GPC6: variants seen among roughly 807,000 people sequenced by gnomAD.
GPC6 encodes the protein glypican 6.
A neutral mutation model predicts 55.2 loss-of-function variants in GPC6; 14 were observed. The observed-to-expected ratio is 0.25, with a 90% CI of 0.17 to 0.40. The LOEUF (loss-of-function observed/expected upper bound fraction) is 0.40, where lower values mean the gene tolerates loss of function less well. Ranked by LOEUF, GPC6 falls within the 10% of genes least tolerant of loss-of-function variation. GPC6 has a pLI of 1.00. For missense variants in GPC6, 641 were observed against 708.5 expected (o/e 0.90, Z 1.08); for synonymous variants, 278 against 259.6 (o/e 1.07, Z -0.68).
intron 1 of GPC6, among the ~76,000 whole-genome samples, chr13:93,428,820 T>G (rs916929466): frequency 6.6e-6 from 1 of 152,150 alleles, no homozygotes; most frequent in Non-Finnish European, 1.5e-5. Flanking sequence ...CTGTGAAATA[T>G]TGGTTTGAAT....
chr13:93,245,710 G>T (rs1308994528), intron 1 of GPC6, among the ~76,000 whole-genome samples: 2 of 152,272 alleles, frequency 1.3e-5, no homozygotes, highest in East Asian at 3.9e-4. Flanking sequence ...AATGGTTTTT[G>T]TATTGTTTTT....
At chr13:94,042,302 G>T (rs531124660) in intron 4 of GPC6, among the ~76,000 whole-genome samples, 1 of 151,790 alleles carries the variant, frequency 6.6e-6, no homozygotes, top group East Asian at 1.9e-4. Flanking sequence ...ACTGTGAGCC[G>T]ATTAAACCTC....
intron 3 of GPC6, among the ~76,000 whole-genome samples, chr13:94,000,811 GTGTC>G (rs1035808677): frequency 9.2e-5 from 14 of 152,324 alleles, no homozygotes; most frequent in Admixed American, 8.5e-4. Context: ...GTCACAAAGA[GTGTC>G]TTCTGGTGTG....
intron 4 of GPC6, among the ~76,000 whole-genome samples, chr13:94,085,342 AAAG>A (rs1409533026): frequency 6.7e-6 from 1 of 148,930 alleles, no homozygotes; most frequent in African/African-American, 2.5e-5. Flanking sequence ...AAAAAAAAAA[AAAG>A]GGAAGAAAAA....
intron 3 of GPC6, among the ~76,000 whole-genome samples, chr13:93,936,850 A>G (rs1178581085): frequency 1.3e-5 from 2 of 152,230 alleles, no homozygotes; most frequent in Non-Finnish European, 2.9e-5. Flanking sequence ...GACTATGCTT[A>G]AAATGCAATA....
At chr13:93,939,096 CA>C (rs557606039) in intron 3 of GPC6, among the ~76,000 whole-genome samples, 1 of 146,022 alleles carries the variant, frequency 6.8e-6, no homozygotes, top group African/African-American at 2.5e-5. Context: ...GACGCTGTGT[CA>C]AAAAAAATAA....
chr13:94,338,628 C>A (rs1877851849), intron 6 of GPC6, among the ~76,000 whole-genome samples: 1 of 152,200 alleles, frequency 6.6e-6, no homozygotes. Context: ...CCAGCCTCTA[C>A]TGAGACCTAA....
intron 1 of GPC6, among the ~76,000 whole-genome samples, chr13:93,371,365 A>G (rs1214323845): frequency 6.6e-6 from 1 of 152,162 alleles, no homozygotes; most frequent in African/African-American, 2.4e-5. Flanking sequence ...TAGGTAAACT[A>G]TTAATGCAAT....
intron 6 of GPC6, among the ~76,000 whole-genome samples, chr13:94,368,651 C>T (rs1466097754): frequency 7.0e-6 from 1 of 143,006 alleles, no homozygotes; most frequent in Non-Finnish European, 1.6e-5. Context: ...TTGGCCATGT[C>T]AGAAAAAAAA....
chr13:94,205,720 G>C (rs1889880976), intron 4 of GPC6, among the ~76,000 whole-genome samples: 1 of 152,140 alleles, frequency 6.6e-6, no homozygotes, highest in African/African-American at 2.4e-5. Flanking sequence ...CATGCTTTGT[G>C]ACTTCATTTT....
intron 2 of GPC6, among the ~76,000 whole-genome samples, chr13:93,666,802 T>A: frequency 6.6e-6 from 1 of 152,182 alleles, no homozygotes; most frequent in East Asian, 1.9e-4. Flanking sequence ...ATAAATCATT[T>A]TTAAAGGAGC....
At chr13:94,247,717 A>G (rs1182801566) in intron 4 of GPC6, among the ~76,000 whole-genome samples, 1 of 152,146 alleles carries the variant, frequency 6.6e-6, no homozygotes, top group Non-Finnish European at 1.5e-5. Flanking sequence ...ATCATGATGT[A>G]TAATCATTTT....
intron 1 of GPC6, among the ~76,000 whole-genome samples, chr13:93,393,380 G>A (rs1875722474): frequency 6.6e-6 from 1 of 151,870 alleles, no homozygotes; most frequent in African/African-American, 2.4e-5. Flanking sequence ...TCTCGTGATC[G>A]TGATCTGCCC....
intron 4 of GPC6, among the ~76,000 whole-genome samples, chr13:94,057,001 A>G (rs1884154686): frequency 6.6e-6 from 1 of 152,228 alleles, no homozygotes; most frequent in South Asian, 2.1e-4. Flanking sequence ...ATGACCACTC[A>G]TATTTACATC....
chr13:93,407,643 A>G (rs1365123295), intron 1 of GPC6, among the ~76,000 whole-genome samples: 1 of 152,202 alleles, frequency 6.6e-6, no homozygotes, highest in African/African-American at 2.4e-5. Flanking sequence ...GTAATATGTC[A>G]TAATAAAAGA....
At chr13:94,081,776 G>A (rs559195701) in intron 4 of GPC6, among the ~76,000 whole-genome samples, 9 of 151,336 alleles carry the variant, frequency 5.9e-5, no homozygotes, top group South Asian at 2.1e-4. Flanking sequence ...CAATTATACC[G>A]CACAGATCCT....
chr13:93,502,742 A>G (rs569156478), intron 1 of GPC6, among the ~76,000 whole-genome samples: 3 of 152,276 alleles, frequency 2.0e-5, no homozygotes, highest in Admixed American at 6.5e-5. Context: ...CAGCAAAACA[A>G]TAAACAAAGC....
intron 5 of GPC6, among the ~76,000 whole-genome samples, chr13:94,290,245 G>A (rs1459393944): frequency 5.3e-5 from 8 of 151,776 alleles, no homozygotes; most frequent in Non-Finnish European, 1.0e-4. Context: ...AACACAGACA[G>A]ACTCCCATCT....
chr13:94,182,729 T>C (rs111384712), intron 4 of GPC6, among the ~76,000 whole-genome samples: 8 of 152,222 alleles, frequency 5.3e-5, no homozygotes, highest in African/African-American at 1.9e-4. Flanking sequence ...TTTACTTTTT[T>C]AATTGTGGCA....
Sources: gnomAD v4.1 joint callset for allele counts (sites outside exome capture counted in the v4.1 genomes callset) on GRCh38, gnomAD v4.1.1 for gene constraint, MANE v1.5 for transcripts, NCBI Gene and HGNC (gene_info 2026-07-23, HGNC 2026-07-21) for gene names.